Variants in CASP9 observed in about 807,000 individuals in gnomAD.
CASP9 encodes the protein caspase 9.
In CASP9, 29 loss-of-function variants were observed where a neutral mutation model predicts 43.5. That is an observed-to-expected ratio of 0.67 (90% confidence interval 0.50 to 0.91). The LOEUF (loss-of-function observed/expected upper bound fraction) is 0.91. CASP9 is among the 40% of genes least tolerant of loss of function. The pLI is 0.00. For synonymous variants in CASP9, 206 were observed against 211.9 expected, an observed-to-expected ratio of 0.97 and a Z score of 0.24; for missense variants, 575 against 537.4, an observed-to-expected ratio of 1.07 and a Z score of -0.69.
At chr1:15,493,106 T>C in intron 8 of CASP9, 71 bp from the exon 9 acceptor site, 1 of 1,599,638 alleles carries the variant, frequency 6.3e-7, no homozygotes, top group Non-Finnish European at 8.5e-7. Context: ...CAAGAGGGGC[T>C]GGGGGGAATG....
At chr1:15,513,965 T>C (rs1224880478) in intron 2 of CASP9, among the ~76,000 whole-genome samples, 1 of 152,184 alleles carries the variant, frequency 6.6e-6, no homozygotes, top group Admixed American at 6.5e-5. Context: ...AATTAATACA[T>C]GTGAGGCACA....
chr1:15,512,731 T>C (rs1470556918), intron 2 of CASP9, among the ~76,000 whole-genome samples: 1 of 152,218 alleles, frequency 6.6e-6, no homozygotes, highest in Non-Finnish European at 1.5e-5. Context: ...CGTGTGTGTA[T>C]GTGTGTATAT....
At chr1:15,522,908 G>A (rs1444661646) in intron 1 of CASP9, among the ~76,000 whole-genome samples, 1 of 152,224 alleles carries the variant, frequency 6.6e-6, no homozygotes, top group Non-Finnish European at 1.5e-5. Flanking sequence ...TCCCCAGTAG[G>A]GGCCACACAG....
chr1:15,521,817 TC>T (rs565162471), intron 1 of CASP9, among the ~76,000 whole-genome samples: 2 of 152,128 alleles, frequency 1.3e-5, no homozygotes, highest in Non-Finnish European at 2.9e-5. Context: ...TTCTACGATC[TC>T]TCATCTCCGC....
chr1:15,514,094 C>T (rs866850424), intron 2 of CASP9, among the ~76,000 whole-genome samples: 21 of 152,196 alleles, frequency 1.4e-4, no homozygotes, highest in Non-Finnish European at 2.8e-4. Context: ...AGCCCCACCA[C>T]ACTAACCCTT....
At chr1:15,522,214 G>T (rs1284621621) in intron 1 of CASP9, among the ~76,000 whole-genome samples, 1 of 152,214 alleles carries the variant, frequency 6.6e-6, no homozygotes, top group African/African-American at 2.4e-5. Flanking sequence ...ATTGGTTGTG[G>T]TTTTTTACAA....
chr1:15,497,653 A>G lies in CASP9; in HGVS notation c.869-2201T>C, dbSNP rs199714178. Among the ~76,000 whole-genome samples the G allele has an allele frequency of 3.1e-5, 4 of 127,340 alleles. No homozygotes were observed. The South Asian group carries it at 9.7e-4, about 31-fold the overall frequency. The allele number at this position is 127,340 out of a possible 152,430, so 83.5% of individuals were successfully genotyped here. On this transcript the variant is annotated intron_variant, in intron 6 of 8. Coordinates refer to ENST00000333868, the MANE Select transcript of CASP9 (RefSeq NM_001229.5). Reference sequence around the variant, plus strand: ...CGAGACTCTGTCTCAAGAAAAAAAAAAAAAAGATATAAATAAATGGAAATA... The same window carrying G: ...CGAGACTCTGTCTCAAGAAAAAAAAGAAAAAGATATAAATAAATGGAAATA...
At chr1:15,494,129 G>A in intron 7 of CASP9, 128 bp from the exon 8 acceptor site, 3 of 1,115,008 alleles carry the variant, frequency 2.7e-6, no homozygotes, top group Admixed American at 2.2e-5. Flanking sequence ...TCCAACAGGA[G>A]CAGCCTGGCC....
chr1:15,522,161 T>C (rs1055056548), intron 1 of CASP9, among the ~76,000 whole-genome samples: 3 of 152,232 alleles, frequency 2.0e-5, no homozygotes, highest in African/African-American at 7.2e-5. Context: ...GGTAAAAAAT[T>C]TCAGGGAAAC....
chr1:15,515,924 G>A (rs1400070893), intron 2 of CASP9, among the ~76,000 whole-genome samples: 1 of 152,102 alleles, frequency 6.6e-6, no homozygotes, highest in Non-Finnish European at 1.5e-5. Context: ...GGCATGGGCT[G>A]GGAGTGGTGG....
intron 2 of CASP9, among the ~76,000 whole-genome samples, chr1:15,513,663 G>A (rs964309158): frequency 5.9e-5 from 9 of 152,222 alleles, no homozygotes; most frequent in Admixed American, 3.3e-4. Flanking sequence ...ATCCTTGTTC[G>A]AAGCTGCATC....
At chr1:15,494,143 G>A in intron 7 of CASP9, 142 bp from the exon 8 acceptor site, 1 of 953,746 alleles carries the variant, frequency 1.0e-6, no homozygotes. Flanking sequence ...CCTGGCCCCT[G>A]AGGCTCTGCC....
At chr1:15,514,597 C>A (rs958840319) in intron 2 of CASP9, among the ~76,000 whole-genome samples, 7 of 152,174 alleles carry the variant, frequency 4.6e-5, no homozygotes, top group South Asian at 2.1e-4. Flanking sequence ...CCAGTTTCCT[C>A]CCCTGTAAGT....
chr1:15,507,813 G>T, intron 3 of CASP9, 60 bp downstream of exon 3: 2 of 1,542,440 alleles, frequency 1.3e-6, no homozygotes. Context: ...AAGGACCTGA[G>T]GGGTGGGGAG....
intron 8 of CASP9, chr1:15,493,558 AG>A: frequency 1.4e-6 from 2 of 1,417,086 alleles, no homozygotes; most frequent in South Asian, 1.6e-5. Context: ...GGATATAGGG[AG>A]GGGCCCATGA....
intron 2 of CASP9, among the ~76,000 whole-genome samples, chr1:15,511,906 G>A (rs1709768687): frequency 6.6e-6 from 1 of 152,292 alleles, no homozygotes; most frequent in Non-Finnish European, 1.5e-5. Context: ...CCAGCCCTTG[G>A]CAATTTAGAA....
In CASP9 at chr1:15,492,816, G is replaced by C; in HGVS notation, c.*127C>G. On this transcript the variant is annotated 3_prime_UTR_variant, in exon 9 of 9. Coordinates refer to ENST00000333868, the MANE Select transcript of CASP9 (RefSeq NM_001229.5). The stretch of plus-strand genomic sequence containing the variant: ...TAAGAGCCTGTCTGTCACTGGCAGA[G>C]AAAGAGCAGACCCTGTGCCGGCTGC... The C allele has an allele frequency of 7.5e-7, 1 of 1,326,294 alleles. No homozygotes were observed. The allele number at this position is 1,326,294 out of a possible 1,614,324, so 82.2% of individuals were successfully genotyped here.
At chr1:15,524,744 C>A (rs1265720481), upstream of CASP9, 1 of 1,015,744 alleles carries the variant, frequency 9.8e-7, no homozygotes, top group Non-Finnish European at 1.2e-6. Context: ...CACCGCCTGT[C>A]CCCAGAACCT....
At chr1:15,506,294 C>A (rs1306877239) in intron 4 of CASP9, among the ~76,000 whole-genome samples, 3 of 148,632 alleles carry the variant, frequency 2.0e-5, no homozygotes. Context: ...ACTAAAAATA[C>A]AAAAAAAAAA....
Sources: gnomAD v4.1 joint callset for allele counts (sites outside exome capture counted in the v4.1 genomes callset) on GRCh38, gnomAD v4.1.1 for gene constraint, MANE v1.5 for transcripts, NCBI Gene and HGNC (gene_info 2026-07-23, HGNC 2026-07-21) for gene names.